ENOX1: variants seen among roughly 807,000 people sequenced by gnomAD.
ENOX1 encodes candidate growth-related and time keeping constitutive hydroquinone (NADH) oxidase.
A neutral mutation model predicts 82.5 loss-of-function variants in ENOX1; 42 were observed. That is an observed-to-expected ratio of 0.51 (90% CI 0.40 to 0.66). The LOEUF (loss-of-function observed/expected upper bound fraction) is 0.66. Among genes scored for constraint, ENOX1 ranks in the 30% least tolerant of loss-of-function variants. The pLI is 0.00. For missense variants in ENOX1, 608 were observed against 811.6 expected, an observed-to-expected ratio of 0.75 and a Z score of 3.05; for synonymous variants, 271 against 282.2, an observed-to-expected ratio of 0.96 and a Z score of 0.40.
At chr13:43,746,017 T>A (rs1274562614) in intron 1 of ENOX1, among the ~76,000 whole-genome samples, 1 of 152,160 alleles carries the variant, frequency 6.6e-6, no homozygotes, top group Non-Finnish European at 1.5e-5. Flanking sequence ...GAGAATGGAC[T>A]AATATAACCA....
At chr13:43,585,313 T>C (rs2080928207) in intron 2 of ENOX1, among the ~76,000 whole-genome samples, 1 of 152,248 alleles carries the variant, frequency 6.6e-6, no homozygotes, top group Non-Finnish European at 1.5e-5. Context: ...GCAGCCCTGC[T>C]GACACCTTAA....
Position 43,774,341 on chromosome 13 carries a change from A to G in ENOX1, c.-285+12311T>C, listed in dbSNP as rs1594763518. Among the ~76,000 whole-genome samples the G allele has an allele frequency of 5.9e-5, 9 of 152,328 alleles. No individual in the cohort carries two copies. In the South Asian group the frequency reaches 1.9e-3, roughly 32 times the overall value. On this transcript the variant is annotated intron_variant, in intron 1 of 16. Coordinates refer to ENST00000690772, the MANE Select transcript of ENOX1 (RefSeq NM_001347969.2). ...AAGGGTGTATAGAGTACTACCAGAA[A>G]ATAAGGGCTCTGGACTTAGTCGGTT... is the stretch of plus-strand genomic sequence containing the variant.
intron 5 of ENOX1, among the ~76,000 whole-genome samples, chr13:43,385,968 C>G (rs1003298507): frequency 2.0e-5 from 3 of 152,112 alleles, no homozygotes; most frequent in Non-Finnish European, 4.4e-5. Context: ...GAGTTTGAGA[C>G]GAGCCTGGCC....
At chr13:43,304,174 A>G (rs1290047579) in intron 11 of ENOX1, among the ~76,000 whole-genome samples, 1 of 152,212 alleles carries the variant, frequency 6.6e-6, no homozygotes, top group Non-Finnish European at 1.5e-5. Flanking sequence ...AGGCACAGTC[A>G]CTATTCTGCT....
chr13:43,766,705 C>T (rs1951294956), intron 1 of ENOX1, among the ~76,000 whole-genome samples: 1 of 152,182 alleles, frequency 6.6e-6, no homozygotes, highest in Admixed American at 6.5e-5. Flanking sequence ...GTAAAATAGA[C>T]TTGGTTTCTA....
chr13:43,389,239 T>C (rs573323833), intron 5 of ENOX1, among the ~76,000 whole-genome samples: 25 of 152,206 alleles, frequency 1.6e-4, no homozygotes, highest in Admixed American at 9.2e-4. Context: ...ATAGTCCAAA[T>C]GGGAAATAAG....
At chr13:43,758,775 T>C (rs1484724584) in intron 1 of ENOX1, among the ~76,000 whole-genome samples, 1 of 152,234 alleles carries the variant, frequency 6.6e-6, no homozygotes, top group Non-Finnish European at 1.5e-5. Flanking sequence ...TAGGACTTAA[T>C]GAGGCTTAAA....
At chr13:43,649,556 T>C (rs9525815) in intron 2 of ENOX1, among the ~76,000 whole-genome samples, 38,110 of 152,148 alleles carry the variant, frequency 0.25, 5,193 homozygotes, top group Non-Finnish European at 0.32. Flanking sequence ...GATAATTCAC[T>C]GATTCCAAGA....
chr13:43,361,042 T>C (rs1480180273), intron 6 of ENOX1, among the ~76,000 whole-genome samples: 19 of 152,204 alleles, frequency 1.2e-4, no homozygotes. Context: ...TAACGCTGGA[T>C]ACACATCCCT....
chr13:43,453,030 C>A (rs1395143915), intron 3 of ENOX1, among the ~76,000 whole-genome samples: 1 of 152,208 alleles, frequency 6.6e-6, no homozygotes. Flanking sequence ...GCATGGGAAG[C>A]TATGAATGCA....
intron 2 of ENOX1, among the ~76,000 whole-genome samples, chr13:43,580,683 G>C (rs2080677878): frequency 6.6e-6 from 1 of 152,158 alleles, no homozygotes; most frequent in Admixed American, 6.5e-5. Flanking sequence ...AAATGTTACA[G>C]TCCTTCCTCA....
chr13:43,358,382 T>C (rs1423573968), intron 7 of ENOX1, among the ~76,000 whole-genome samples: 1 of 139,536 alleles, frequency 7.2e-6, no homozygotes, highest in East Asian at 2.1e-4. Flanking sequence ...TCGAGGGATG[T>C]GAAACCCACA....
chr13:43,473,367 A>G (rs2058149776), intron 3 of ENOX1, among the ~76,000 whole-genome samples: 1 of 152,178 alleles, frequency 6.6e-6, no homozygotes, highest in Admixed American at 6.5e-5. Flanking sequence ...GGGGGATTAC[A>G]CATTCTCTGC....
chr13:43,416,246 C>G (rs2054529957), intron 3 of ENOX1, among the ~76,000 whole-genome samples: 1 of 129,662 alleles, frequency 7.7e-6, no homozygotes, highest in Non-Finnish European at 1.6e-5. Context: ...TGATGGGTGG[C>G]CGGGCAGAGG....
At chr13:43,776,020 T>C (rs1951896652) in intron 1 of ENOX1, among the ~76,000 whole-genome samples, 2 of 152,214 alleles carry the variant, frequency 1.3e-5, no homozygotes, top group African/African-American at 4.8e-5. Context: ...TATAACCACA[T>C]ATACTTCCGG....
chr13:43,489,631 A>G (rs1198591059), intron 2 of ENOX1, among the ~76,000 whole-genome samples: 1 of 152,088 alleles, frequency 6.6e-6, no homozygotes, highest in Non-Finnish European at 1.5e-5. Flanking sequence ...ATAAAATCCC[A>G]TTATTGTAGA....
chr13:43,580,356 C>T (rs1431188446), intron 2 of ENOX1, among the ~76,000 whole-genome samples: 2 of 152,180 alleles, frequency 1.3e-5, no homozygotes, highest in African/African-American at 4.8e-5. Flanking sequence ...TTGTCGCCAA[C>T]AAGTAATGTT....
chr13:43,229,233 AC>A (rs1353405396), intron 15 of ENOX1, among the ~76,000 whole-genome samples: 3 of 152,118 alleles, frequency 2.0e-5, no homozygotes, highest in African/African-American at 7.2e-5. Context: ...AGTCCATTAA[AC>A]CTCTTTTTCT....
At chr13:43,381,932 G>C (rs1314227381) in intron 5 of ENOX1, among the ~76,000 whole-genome samples, 1 of 151,922 alleles carries the variant, frequency 6.6e-6, no homozygotes, top group Non-Finnish European at 1.5e-5. Context: ...CTCTAGTAGA[G>C]GTTAAATCTT....
Sources: allele counts gnomAD v4.1 joint callset (sites outside exome capture counted in the v4.1 genomes callset), GRCh38; gene constraint gnomAD v4.1.1; transcripts MANE v1.5; gene names NCBI Gene and HGNC (gene_info 2026-07-23, HGNC 2026-07-21).